The following PRKG1 variants were observed in gnomAD, a reference collection of about 807,000 sequenced individuals.
PRKG1 encodes the protein cGMP-dependent protein kinase 1.
In PRKG1, 35 loss-of-function variants were observed where a neutral mutation model predicts 88.1. That is an observed-to-expected ratio of 0.40 (90% CI 0.30 to 0.53). The LOEUF (loss-of-function observed/expected upper bound fraction) is 0.53. Ranked by LOEUF, PRKG1 falls within the 20% of genes least tolerant of loss-of-function variation. The probability of loss-of-function intolerance (pLI) is 0.59; values close to 1 mark genes in which losing one functional copy is unlikely to be tolerated. For missense variants in PRKG1, 540 were observed against 839.8 expected, an observed-to-expected ratio of 0.64 and a Z score of 4.41; for synonymous variants, 303 against 292.5, an observed-to-expected ratio of 1.04 and a Z score of -0.37.
chr10:51,443,986 G>A (rs986758099), intron 2 of PRKG1, among the ~76,000 whole-genome samples: 38 of 151,792 alleles, frequency 2.5e-4, no homozygotes, highest in African/African-American at 7.2e-4. Flanking sequence ...GACATAATGC[G>A]CTCATTGCCT....
chr10:51,204,563 T>C (rs1331179332), intron 2 of PRKG1, among the ~76,000 whole-genome samples: 1 of 152,148 alleles, frequency 6.6e-6, no homozygotes, highest in Non-Finnish European at 1.5e-5. Context: ...GCCTCATAGC[T>C]ACCCTGCTGC....
chr10:51,124,920 T>C (rs764260931), intron 1 of PRKG1, among the ~76,000 whole-genome samples: 1 of 152,192 alleles, frequency 6.6e-6, no homozygotes, highest in Non-Finnish European at 1.5e-5. Context: ...CTCCTTTGAG[T>C]TGACATATGA....
At chr10:52,067,722 T>TA (rs1035737419) in intron 7 of PRKG1, among the ~76,000 whole-genome samples, 6 of 152,126 alleles carry the variant, frequency 3.9e-5, no homozygotes, top group Non-Finnish European at 8.8e-5. Flanking sequence ...AGCATCTTTT[T>TA]TTTTTTTCTT....
intron 3 of PRKG1, among the ~76,000 whole-genome samples, chr10:51,720,331 T>C (rs1485300962): frequency 6.6e-6 from 1 of 152,060 alleles, no homozygotes; most frequent in African/African-American, 2.4e-5. Context: ...CAATTCTGAG[T>C]CATTTCAGAT....
chr10:51,163,611 C>T (rs945451139), intron 2 of PRKG1, among the ~76,000 whole-genome samples: 16 of 152,192 alleles, frequency 1.1e-4, no homozygotes, highest in African/African-American at 2.2e-4. Flanking sequence ...ACTCGGGAGG[C>T]GCAAGGGGTC....
chr10:51,354,419 C>A (rs1842320540), intron 2 of PRKG1, among the ~76,000 whole-genome samples: 1 of 152,064 alleles, frequency 6.6e-6, no homozygotes, highest in South Asian at 2.1e-4. Flanking sequence ...ATATCATGTA[C>A]CTTATAAACA....
At chr10:52,067,655 T>A (rs1846385254) in intron 7 of PRKG1, among the ~76,000 whole-genome samples, 1 of 152,140 alleles carries the variant, frequency 6.6e-6, no homozygotes, top group Admixed American at 6.5e-5. Context: ...TTAGAAAAAT[T>A]TGAGTCTCTT....
At chr10:51,666,484 T>G (rs1212764607) in intron 3 of PRKG1, among the ~76,000 whole-genome samples, 2 of 152,200 alleles carry the variant, frequency 1.3e-5, no homozygotes, top group Admixed American at 1.3e-4. Context: ...AAGTGGCCTT[T>G]TCCTTATTCC....
chr10:51,535,580 G>A (rs1842125692), intron 3 of PRKG1, among the ~76,000 whole-genome samples: 2 of 151,816 alleles, frequency 1.3e-5, no homozygotes, highest in South Asian at 4.2e-4. Context: ...TCTTTTTCTT[G>A]GCTATCAGCA....
chr10:51,704,175 ATAAAAT>A (rs1841544691), intron 3 of PRKG1, among the ~76,000 whole-genome samples: 2 of 151,036 alleles, frequency 1.3e-5, no homozygotes, highest in African/African-American at 4.8e-5. Context: ...AAATAAATAA[ATAAAAT>A]TAAATTAAAT....
chr10:51,039,334 G>A (rs2132755731), intron 1 of PRKG1, among the ~76,000 whole-genome samples: 2 of 152,176 alleles, frequency 1.3e-5, no homozygotes, highest in East Asian at 3.9e-4. Flanking sequence ...TGATGATCAG[G>A]GATGTTGAGC....
chr10:51,063,816 C>G (rs187402211), intron 1 of PRKG1, among the ~76,000 whole-genome samples: 1 of 152,042 alleles, frequency 6.6e-6, no homozygotes, highest in Non-Finnish European at 1.5e-5. Context: ...CAAAGACACA[C>G]GGTGCTCAAT....
At chr10:51,516,660 A>G (rs1293097051) in intron 3 of PRKG1, among the ~76,000 whole-genome samples, 1 of 152,232 alleles carries the variant, frequency 6.6e-6, no homozygotes, top group African/African-American at 2.4e-5. Flanking sequence ...CCTGGTGGGT[A>G]CAGACTGGGT....
chr10:51,208,267 ATGT>A (rs1209866461), intron 2 of PRKG1, among the ~76,000 whole-genome samples: 2 of 152,224 alleles, frequency 1.3e-5, no homozygotes, highest in Admixed American at 1.3e-4. Flanking sequence ...TAAGAACAAA[ATGT>A]TAGCACAAAA....
chr10:51,820,752 G>T (rs1191546769), intron 4 of PRKG1, among the ~76,000 whole-genome samples: 1 of 152,132 alleles, frequency 6.6e-6, no homozygotes, highest in Admixed American at 6.5e-5. Context: ...TACGCACTGG[G>T]TTTTCATGTG....
chr10:51,546,224 G>T (rs1047276969), intron 3 of PRKG1, among the ~76,000 whole-genome samples: 2 of 151,880 alleles, frequency 1.3e-5, no homozygotes, highest in African/African-American at 4.8e-5. Flanking sequence ...TGTAGAATCT[G>T]GTATAAACAT....
At chr10:51,265,717 T>C (rs1839821081) in intron 2 of PRKG1, among the ~76,000 whole-genome samples, 1 of 152,082 alleles carries the variant, frequency 6.6e-6, no homozygotes, top group Non-Finnish European at 1.5e-5. Flanking sequence ...CCAGGAGAAG[T>C]ACAATGACCA....
chr10:52,169,813 A>G (rs539944441), intron 9 of PRKG1, among the ~76,000 whole-genome samples: 2 of 152,328 alleles, frequency 1.3e-5, no homozygotes, highest in South Asian at 4.1e-4. Context: ...TGTAAATGGA[A>G]GATTATGGAT....
chr10:51,183,386 C>T (rs181771167), intron 2 of PRKG1, among the ~76,000 whole-genome samples: 256 of 152,234 alleles, frequency 1.7e-3, no homozygotes, highest in Non-Finnish European at 2.9e-3. Context: ...TAGCTAGTAC[C>T]CTGGATCTCA....
Sources: allele counts gnomAD v4.1 joint callset (sites outside exome capture counted in the v4.1 genomes callset), GRCh38; gene constraint gnomAD v4.1.1; transcripts MANE v1.5; gene names NCBI Gene and HGNC (gene_info 2026-07-23, HGNC 2026-07-21).